The following TEX9 variants were observed in gnomAD, a reference collection of about 807,000 sequenced individuals.
TEX9 encodes testis expressed 9.
A neutral mutation model predicts 59.6 loss-of-function variants in TEX9; 74 were observed. The observed-to-expected ratio is 1.24, with a 90% CI of 1.03 to 1.51. The LOEUF is 1.51. TEX9 is among the 40% of genes most tolerant of loss of function. TEX9 has a pLI of 0.00. For missense variants in TEX9, 522 were observed against 447.8 expected (o/e 1.17, Z -1.49); for synonymous variants, 186 against 152.2 (o/e 1.22, Z -1.64).
intron 1 of TEX9, among the ~76,000 whole-genome samples, chr15:56,319,031 AAG>A (rs1196904424): frequency 6.6e-6 from 1 of 152,166 alleles, no homozygotes; most frequent in Non-Finnish European, 1.5e-5. Context: ...TAGAATACAA[AAG>A]AAAATTATTT....
intron 3 of TEX9, among the ~76,000 whole-genome samples, chr15:56,378,377 T>C (rs950037529): frequency 6.6e-6 from 1 of 151,924 alleles, no homozygotes; most frequent in Non-Finnish European, 1.5e-5. Context: ...AAATTTTTTA[T>C]TGTGGCTTCA....
intron 7 of TEX9, among the ~76,000 whole-genome samples, chr15:56,391,888 C>A (rs962302196): frequency 6.6e-6 from 1 of 151,908 alleles, no homozygotes; most frequent in African/African-American, 2.4e-5. Context: ...TCAGGTAAAA[C>A]AATCAAATGA....
downstream of TEX9, chr15:56,446,871 A>C: frequency 1.9e-6 from 3 of 1,610,524 alleles, no homozygotes; most frequent in Non-Finnish European, 2.5e-6. Flanking sequence ...CATCCTTTTC[A>C]GCAATCTGAG....
chr15:56,271,629 T>C (rs754383885), intron 1 of TEX9, among the ~76,000 whole-genome samples: 4 of 152,150 alleles, frequency 2.6e-5, no homozygotes, highest in Non-Finnish European at 5.9e-5. Flanking sequence ...GAAATGTTCC[T>C]ATATTGAAGT....
intron 1 of TEX9, among the ~76,000 whole-genome samples, chr15:56,246,791 A>C (rs1357035656): frequency 6.6e-6 from 1 of 152,204 alleles, no homozygotes; most frequent in Admixed American, 6.5e-5. Flanking sequence ...GAAAATTTTG[A>C]GGAACACTGA....
intron 1 of TEX9, among the ~76,000 whole-genome samples, chr15:56,300,685 C>CAGAGAGAGAGAGGGAGGGAG (rs2045324702): frequency 4.3e-5 from 5 of 115,630 alleles, no homozygotes; most frequent in African/African-American, 2.0e-4. Context: ...AGCAACTCAG[C>CAGAGAGAGAGAGGGAGGGAG]AGAGAGAGAG....
chr15:56,425,300 C>A (rs2050187723), intron 10 of TEX9, among the ~76,000 whole-genome samples: 1 of 152,120 alleles, frequency 6.6e-6, no homozygotes, highest in African/African-American at 2.4e-5. Context: ...AATTTTTCAG[C>A]TATTCTTCAA....
At chr15:56,307,089 A>G (rs2045501767) in intron 1 of TEX9, among the ~76,000 whole-genome samples, 2 of 151,946 alleles carry the variant, frequency 1.3e-5, no homozygotes, top group African/African-American at 4.8e-5. Context: ...TCCTGGGGGG[A>G]AAATGACTAA....
chr15:56,341,135 A>G (rs1425614222), intron 1 of TEX9, among the ~76,000 whole-genome samples: 3 of 152,172 alleles, frequency 2.0e-5, no homozygotes, highest in African/African-American at 7.2e-5. Flanking sequence ...GGGTTTCTTT[A>G]ATTAATACCA....
intron 10 of TEX9, 124 bp from the exon 11 acceptor site, chr15:56,427,481 T>G (rs1459779887): frequency 1.7e-6 from 1 of 601,734 alleles, no homozygotes; most frequent in Admixed American, 4.5e-5. Context: ...GCAATTTTTA[T>G]CTACAAAAAT....
intron 1 of TEX9, among the ~76,000 whole-genome samples, chr15:56,352,739 GTT>G (rs1322491743): frequency 2.6e-5 from 4 of 151,998 alleles, no homozygotes; most frequent in African/African-American, 9.7e-5. Context: ...AAACATATTT[GTT>G]GTCATATCAG....
At chr15:56,363,305 C>T, upstream of TEX9, among the ~76,000 whole-genome samples, 1 of 151,134 alleles carries the variant, frequency 6.6e-6, no homozygotes, top group African/African-American at 2.4e-5. Flanking sequence ...CCCTCTGTCA[C>T]CCAGGCTGGA....
At chr15:56,331,230 G>T (rs895726894) in intron 1 of TEX9, among the ~76,000 whole-genome samples, 2 of 152,122 alleles carry the variant, frequency 1.3e-5, no homozygotes, top group Admixed American at 6.5e-5. Flanking sequence ...ACCACTTTCA[G>T]CATTGGACAG....
intron 1 of TEX9, among the ~76,000 whole-genome samples, chr15:56,337,385 T>C (rs1266735747): frequency 6.6e-6 from 1 of 152,144 alleles, no homozygotes; most frequent in Non-Finnish European, 1.5e-5. Context: ...GGTAGGGGAA[T>C]TATCAAGAGA....
intron 12 of TEX9, among the ~76,000 whole-genome samples, chr15:56,440,378 T>A (rs931557418): frequency 6.6e-6 from 1 of 152,230 alleles, no homozygotes; most frequent in Admixed American, 6.5e-5. Flanking sequence ...GAATGTTAAA[T>A]GCTACAGCTG....
chr15:56,295,915 G>T (rs1421350995), intron 1 of TEX9, among the ~76,000 whole-genome samples: 1 of 152,112 alleles, frequency 6.6e-6, no homozygotes, highest in Non-Finnish European at 1.5e-5. Flanking sequence ...TAAACCAAAG[G>T]CTTTGTTACG....
At chr15:56,372,624 G>C (rs1031261000) in intron 2 of TEX9, among the ~76,000 whole-genome samples, 2 of 152,104 alleles carry the variant, frequency 1.3e-5, no homozygotes, top group Admixed American at 6.5e-5. Flanking sequence ...TAAAGATTAC[G>C]TGAAGATAGA....
chr15:56,244,118 A>C (rs1322732828), exon 1 of TEX9: 1 of 151,980 alleles, frequency 6.6e-6, no homozygotes, highest in South Asian at 2.1e-4. Flanking sequence ...CGTGAGGAGG[A>C]GGAGGAGAAA....
chr15:56,254,262 A>G (rs2044094591), intron 1 of TEX9, among the ~76,000 whole-genome samples: 1 of 152,048 alleles, frequency 6.6e-6, no homozygotes, highest in Admixed American at 6.6e-5. Context: ...ATTTGGCTCT[A>G]GATTGCTGAG....
Sources: gnomAD v4.1 joint callset for allele counts (sites outside exome capture counted in the v4.1 genomes callset) on GRCh38, gnomAD v4.1.1 for gene constraint, MANE v1.5 for transcripts, NCBI Gene and HGNC (gene_info 2026-07-23, HGNC 2026-07-21) for gene names.